Variants in NECAB2 observed in about 807,000 individuals in gnomAD.
NECAB2 encodes N-terminal EF-hand calcium-binding protein 2.
Under a neutral mutation model 51.9 loss-of-function variants are expected in NECAB2, and 68 were observed. The ratio of observed to expected loss-of-function variants is 1.31; its 90% CI spans 1.08 to 1.60. NECAB2 has a LOEUF of 1.60. Ranked by LOEUF, NECAB2 falls within the 40% of genes most tolerant of loss-of-function variation. The probability of loss-of-function intolerance (pLI) is 0.00; values close to 1 mark genes in which losing one functional copy is unlikely to be tolerated. For missense variants in NECAB2, 854 were observed against 490.3 expected (o/e 1.74, Z -7.00); for synonymous variants, 329 against 203.5 (o/e 1.62, Z -5.25).
At position 83,978,502 on chromosome 16, in the gene NECAB2, T is replaced by A. The variant is rs571331673; in HGVS notation, c.285T>A (p.Asn95Lys). 1 of 1,614,020 alleles carries A rather than the reference T, an allele frequency of 6.2e-7. No individual in the cohort carries two copies. Among genetic ancestry groups the A allele is most frequent in the East Asian group, 2.2e-5 (1 of 44,872 alleles). ...FQLFFADGVL[N>K]EKELEDLFHT... ...TCTTCTTTGCAGATGGCGTCCTTAA[T>A]GAGAAAGAACTGGAGGATCTCTTTC... The change falls in exon 3 of 13, where the codon AAT becomes AAA. Residue 95 changes from asparagine (N) to lysine (K), a missense_variant. Transcript: ENST00000305202.
intron 2 of NECAB2, among the ~76,000 whole-genome samples, chr16:83,972,897 C>T (rs2084364476): frequency 6.6e-6 from 1 of 152,216 alleles, no homozygotes; most frequent in South Asian, 2.1e-4. Flanking sequence ...CAAAAAGCAC[C>T]TTCTTAAAAA....
At chr16:83,974,909 GGC>G (rs2084388928) in intron 2 of NECAB2, among the ~76,000 whole-genome samples, 2 of 139,720 alleles carry the variant, frequency 1.4e-5, no homozygotes, top group Admixed American at 6.9e-5. Flanking sequence ...TGTGCAGGGA[GGC>G]GTGGGTGCGG....
upstream of NECAB2, chr16:83,966,358 T>G (rs943784043): frequency 9.9e-6 from 3 of 302,262 alleles, no homozygotes; most frequent in African/African-American, 6.4e-5. Context: ...GACTCTGTGC[T>G]CGGAGGGAGC....
chr16:83,988,579 TGTTA>T (rs1299260754), intron 5 of NECAB2, among the ~76,000 whole-genome samples: 2 of 152,248 alleles, frequency 1.3e-5, no homozygotes, highest in Non-Finnish European at 2.9e-5. Context: ...GAGTGATCGC[TGTTA>T]GTTCTTGTCA....
chr16:83,994,545 G>C (rs1484854217), intron 7 of NECAB2, 64 bp from the exon 8 acceptor site: 55 of 1,606,866 alleles, frequency 3.4e-5, no homozygotes, highest in Non-Finnish European at 4.5e-5. Context: ...GATGTTTCCA[G>C]CTTCCCCCCG....
At chr16:83,982,042 T>G (rs963807267) in intron 5 of NECAB2, among the ~76,000 whole-genome samples, 3 of 152,196 alleles carry the variant, frequency 2.0e-5, no homozygotes, top group Admixed American at 6.5e-5. Context: ...ATCCACCTTA[T>G]GAATTACGAA....
At chr16:83,987,505 C>G (rs1039988574) in intron 5 of NECAB2, among the ~76,000 whole-genome samples, 12 of 152,132 alleles carry the variant, frequency 7.9e-5, no homozygotes, top group African/African-American at 2.2e-4. Flanking sequence ...GCTTCTAATT[C>G]CCACTATCCC....
intron 1 of NECAB2, 65 bp from the exon 2 acceptor site, chr16:83,972,086 C>T: frequency 6.3e-7 from 1 of 1,599,458 alleles, no homozygotes; most frequent in Non-Finnish European, 8.6e-7. Flanking sequence ...AGTATCCGGT[C>T]AGAGGCTGCA....
intron 8 of NECAB2, among the ~76,000 whole-genome samples, chr16:83,996,771 TAC>T (rs1486553842): frequency 6.6e-6 from 1 of 151,614 alleles, no homozygotes; most frequent in Admixed American, 6.6e-5. Flanking sequence ...GACCGAAACT[TAC>T]AGTGGGGCAG....
intron 4 of NECAB2, 41 bp from the exon 5 acceptor site, chr16:83,980,989 G>T (rs2084480052): frequency 6.2e-7 from 1 of 1,607,146 alleles, no homozygotes; most frequent in African/African-American, 1.3e-5. Context: ...AGTGGGAGGG[G>T]CAGGACCTGT....
chr16:83,999,410 G>A lies in NECAB2; in HGVS notation c.962+1093G>A, dbSNP rs543046984. Among the ~76,000 whole-genome samples the A allele has an allele frequency of 1.3e-4, 20 of 152,290 alleles. No homozygotes were observed. In the South Asian group the frequency reaches 2.9e-3, roughly 22 times the overall value. On this transcript the variant is annotated intron_variant, in intron 10 of 12. Coordinates refer to ENST00000305202, the MANE Select transcript of NECAB2 (RefSeq NM_019065.3). The stretch of plus-strand genomic sequence containing the variant: ...CCGATGCGCTGTGGAGAGGAGGCAC[G>A]GTGGACGTAGAGGCTCTGGTTTGTC...
intron 2 of NECAB2, among the ~76,000 whole-genome samples, chr16:83,978,094 G>A (rs557846831): frequency 8.5e-5 from 13 of 152,292 alleles, no homozygotes; most frequent in South Asian, 2.1e-4. Context: ...TTTGTTGAAC[G>A]CATGGAAAAT....
In NECAB2 at chr16:83,968,397, C is replaced by T. The variant is rs1257806206; in HGVS notation, c.-252C>T. Among the ~76,000 whole-genome samples, 1 of 149,634 alleles carries T rather than the reference C, an allele frequency of 6.7e-6. No homozygotes were observed. Among genetic ancestry groups the T allele is most frequent in the Non-Finnish European group, 1.5e-5 (1 of 67,296 alleles). ...CCTCTGTGGCTGCGCCCGCGCCCCT[C>T]GCCCCGGCGGGCAGTCCTCAGGCCC... On this transcript the variant is annotated 5_prime_UTR_variant, in exon 1 of 13. Transcript: ENST00000305202.
chr16:84,001,287 G>A (rs1038607173), intron 11 of NECAB2, among the ~76,000 whole-genome samples: 1 of 151,894 alleles, frequency 6.6e-6, no homozygotes, highest in African/African-American at 2.4e-5. Context: ...TCTGGGAGAG[G>A]GTGGAGACTA....
At chr16:83,971,418 C>G (rs1007182055) in intron 1 of NECAB2, 2 of 152,244 alleles carry the variant, frequency 1.3e-5, no homozygotes, top group African/African-American at 4.8e-5. Flanking sequence ...CGAGCCTCAG[C>G]CTGGCAAGCA....
chr16:83,997,147 A>G (rs1597224679), intron 8 of NECAB2, 69 bp from the exon 9 acceptor site: 1 of 1,597,350 alleles, frequency 6.3e-7, no homozygotes, highest in East Asian at 2.2e-5. Flanking sequence ...CAGGGATCCC[A>G]GAGCTCCTGG....
Position 84,001,828 on chromosome 16 carries a change from C to G in NECAB2, c.1044C>G (p.His348Gln), listed in dbSNP as rs775951993. 2 of 1,614,078 alleles carry G rather than the reference C, an allele frequency of 1.2e-6. No homozygotes were observed. The highest frequency in any genetic ancestry group is 2.2e-5 in the East Asian group (1 of 44,878). The change falls in exon 12 of 13, where the codon CAC becomes CAG. Residue 348 changes from histidine (H) to glutamine (Q), a missense_variant. His to Gln is a conservative substitution (Grantham distance 24, BLOSUM62 0). Transcript: ENST00000305202. The part of the protein sequence containing the change: ...FWETEEAWKR[H>Q]LQSPLCKAFR... Reference sequence around the variant, plus strand: ...CACACATGTCCCTGCGTCACAGGCACCTGCAGAGCCCCCTGTGTAAGGCGT... The same window carrying G: ...CACACATGTCCCTGCGTCACAGGCAGCTGCAGAGCCCCCTGTGTAAGGCGT...
At chr16:83,977,484 G>A (rs114153788) in intron 2 of NECAB2, among the ~76,000 whole-genome samples, 2,987 of 152,164 alleles carry the variant, frequency 0.02, 36 homozygotes, top group African/African-American at 0.031. Flanking sequence ...TTCCTGGTAG[G>A]GCCAAAAGTG....
chr16:83,983,280 A>C (rs977490117), intron 5 of NECAB2, among the ~76,000 whole-genome samples: 1 of 152,174 alleles, frequency 6.6e-6, no homozygotes, highest in Non-Finnish European at 1.5e-5. Flanking sequence ...CCGCAGCATC[A>C]GTTATTAAGA....
Sources: allele counts gnomAD v4.1 joint callset (sites outside exome capture counted in the v4.1 genomes callset), GRCh38; gene constraint gnomAD v4.1.1; transcripts MANE v1.5; gene names NCBI Gene and HGNC (gene_info 2026-07-23, HGNC 2026-07-21).